Variants in WDR25 observed in about 807,000 individuals in gnomAD.
WDR25 encodes the protein WD repeat-containing protein 25.
WDR25 carries 35 observed loss-of-function variants against 47.7 expected under a neutral mutation model. The observed-to-expected ratio is 0.73, with a 90% CI of 0.56 to 0.97. The LOEUF (loss-of-function observed/expected upper bound fraction) is 0.97, where lower values mean the gene tolerates loss of function less well. Among genes scored for constraint, WDR25 ranks in the 50% least tolerant of loss-of-function variants. The probability of loss-of-function intolerance (pLI) is 0.00; values close to 1 mark genes in which losing one functional copy is unlikely to be tolerated. For synonymous variants in WDR25, 248 were observed against 278.9 expected, an observed-to-expected ratio of 0.89 and a Z score of 1.10; for missense variants, 634 against 704.7, an observed-to-expected ratio of 0.90 and a Z score of 1.14.
chr14:100,404,844 C>T lies in WDR25; in HGVS notation c.822+23098C>T, dbSNP rs893671212. Among the ~76,000 whole-genome samples the T allele has an allele frequency of 1.3e-5, 2 of 152,128 alleles. No individual in the cohort carries two copies. The highest frequency in any genetic ancestry group is 2.9e-5 in the Non-Finnish European group (2 of 68,024). ...CCCCTCTCCCCTGCAGCTCTGGCCTCTGCTGGGCCCATCCCTCCTGTGAGT... is the reference window on the plus strand; with the variant it reads ...CCCCTCTCCCCTGCAGCTCTGGCCTTTGCTGGGCCCATCCCTCCTGTGAGT... On this transcript the variant is annotated intron_variant, in intron 2 of 6. Coordinates refer to ENST00000402312, the MANE Select transcript of WDR25 (RefSeq NM_001161476.3). The surrounding 1 kb of genome is among the most constrained non-coding windows in gnomAD (Gnocchi z 4.6).
intron 2 of WDR25, among the ~76,000 whole-genome samples, chr14:100,441,160 A>G (rs1207227241): frequency 1.3e-5 from 2 of 152,146 alleles, no homozygotes. Context: ...TCTGGTATGG[A>G]CATCATGAGG....
chr14:100,376,540 T>G (rs1896679525), intron 1 of WDR25, 45 bp downstream of exon 1: 1 of 1,231,936 alleles, frequency 8.1e-7, no homozygotes, highest in East Asian at 3.2e-5. Flanking sequence ...GGGCCGGGAC[T>G]GGGCAGCGCC....
chr14:100,455,960 G>A (rs981686119), intron 2 of WDR25, among the ~76,000 whole-genome samples: 8 of 152,180 alleles, frequency 5.3e-5, no homozygotes, highest in African/African-American at 1.9e-4. Context: ...TGGAGTATGT[G>A]TATGGCAGGT....
At chr14:100,456,676 G>C (rs1899215378) in intron 2 of WDR25, among the ~76,000 whole-genome samples, 1 of 152,202 alleles carries the variant, frequency 6.6e-6, no homozygotes. Context: ...TGAAGTCATA[G>C]AAGCTATCCA....
chr14:100,472,832 G>C (rs1455476665), intron 3 of WDR25, among the ~76,000 whole-genome samples: 1 of 152,186 alleles, frequency 6.6e-6, no homozygotes, highest in South Asian at 2.1e-4. Context: ...CAGCCTGCCC[G>C]GCCTGACCCT....
intron 3 of WDR25, among the ~76,000 whole-genome samples, chr14:100,479,522 G>GA (rs1405220264): frequency 2.0e-5 from 3 of 151,998 alleles, no homozygotes; most frequent in Non-Finnish European, 4.4e-5. Flanking sequence ...TAATGAGAGG[G>GA]ACATAGCACA....
rs557403891 is a variant in WDR25 at position 100,392,354 on chromosome 14, C to T, written c.822+10608C>T. ...AAGTGAGTGGGTTCTTTTCCAGCCA[C>T]GTCTCTGTCTTCTTCTGCTTGGTTA... On this transcript the variant is annotated intron_variant, in intron 2 of 6. Transcript: ENST00000402312. This position sits in a 1 kb window ranked among gnomAD's most constrained non-coding sequence, Gnocchi z 4.2. Among the ~76,000 whole-genome samples the T allele has an allele frequency of 1.6e-4, 24 of 151,786 alleles. No individual in the cohort carries two copies. The highest frequency in any genetic ancestry group is 7.8e-4 in the East Asian group (4 of 5,120).
At chr14:100,401,483 C>G (rs977267104) in intron 2 of WDR25, among the ~76,000 whole-genome samples, 1 of 152,146 alleles carries the variant, frequency 6.6e-6, no homozygotes, top group Non-Finnish European at 1.5e-5. Context: ...CTGCCCATGT[C>G]CCCAGGAGGC....
At chr14:100,485,812 G>T (rs1272198883) in intron 4 of WDR25, among the ~76,000 whole-genome samples, 3 of 152,192 alleles carry the variant, frequency 2.0e-5, no homozygotes, top group Non-Finnish European at 2.9e-5. Context: ...CTGACAGGCA[G>T]TTGGAAGGGG....
At chr14:100,389,959 C>T (rs909680482) in intron 2 of WDR25, among the ~76,000 whole-genome samples, 22 of 152,284 alleles carry the variant, frequency 1.4e-4, no homozygotes, top group Non-Finnish European at 2.8e-4. Context: ...CTGGATGTCC[C>T]TGGATTGAGC....
chr14:100,523,502 C>G lies in WDR25; in HGVS notation c.1102-2368C>G, dbSNP rs2029961670. On this transcript the variant is annotated intron_variant, in intron 4 of 6. Transcript: ENST00000402312. The surrounding 1 kb of genome is among the most constrained non-coding windows in gnomAD (Gnocchi z 4.7). ...TAGAGGCTCAGAGGTGTGGTTGGGG[C>G]CCTCGTGTTGATGACTCAAAAACTA... 1.3e-5 allele frequency among the ~76,000 whole-genome samples: 2 copies of G among 152,076 alleles called. No homozygotes were observed. The highest frequency in any genetic ancestry group is 4.8e-5 in the African/African-American group (2 of 41,394).
chr14:100,528,251 G>A (rs1274916900), intron 5 of WDR25, among the ~76,000 whole-genome samples: 3 of 152,118 alleles, frequency 2.0e-5, no homozygotes, highest in African/African-American at 7.2e-5. Flanking sequence ...CTGAAATCAA[G>A]ATGTTGGCAG....
rs1158659505 is a variant in WDR25 at position 100,529,799 on chromosome 14, C to A, written c.1414-21C>A. ...GGCTTGACAGGTGCGGCTTGCTCAC[C>A]CACTGTGTCCCTCTCTGCAGGTGGA... On this transcript the variant is annotated intron_variant, in intron 6 of 6. Transcript: ENST00000402312. The surrounding 1 kb of genome is among the most constrained non-coding windows in gnomAD (Gnocchi z 5.1). 1.9e-6 allele frequency: 3 copies of A among 1,606,796 alleles called. No homozygotes were observed. The highest frequency in any genetic ancestry group is 2.5e-6 in the Non-Finnish European group (3 of 1,177,380).
At chr14:100,427,274 A>G (rs898991737) in intron 2 of WDR25, among the ~76,000 whole-genome samples, 7 of 151,662 alleles carry the variant, frequency 4.6e-5, no homozygotes, top group African/African-American at 1.7e-4. Flanking sequence ...GAAGCCCTCC[A>G]TGCCCCCCAG....
intron 5 of WDR25, among the ~76,000 whole-genome samples, chr14:100,528,617 T>C (rs964542194): frequency 1.3e-5 from 2 of 152,138 alleles, no homozygotes; most frequent in Non-Finnish European, 2.9e-5. Context: ...TAGTGTAATA[T>C]AGGATCATCT....
At position 100,529,300 on chromosome 14, in the gene WDR25, T is replaced by A. The variant is rs547843952; in HGVS notation, c.1413+92T>A. ...CATGGGCCCTGGGGTGCATGGAGCC[T>A]CTGTCTGGGTGGATCCTGCTTTCTG... On this transcript the variant is annotated intron_variant, in intron 6 of 6. Transcript: ENST00000402312. This position sits in a 1 kb window ranked among gnomAD's most constrained non-coding sequence, Gnocchi z 5.1. The A allele has an allele frequency of 6.4e-6, 10 of 1,555,158 alleles. No individual in the cohort carries two copies. The East Asian group carries it at 2.3e-4, about 36-fold the overall frequency.
intron 2 of WDR25, 189 bp downstream of exon 2, chr14:100,381,935 C>T: frequency 1.9e-5 from 12 of 635,952 alleles, no homozygotes; most frequent in Non-Finnish European, 3.4e-5. Context: ...TGCCCCAACC[C>T]TTCCCTGATG....
In WDR25 at chr14:100,498,504, T is replaced by C. The variant is rs1345480927; in HGVS notation, c.1101+14380T>C. Among the ~76,000 whole-genome samples, 3 of 152,226 alleles carry C rather than the reference T, an allele frequency of 2.0e-5. No individual in the cohort carries two copies. Among genetic ancestry groups the C allele is most frequent in the Non-Finnish European group, 4.4e-5 (3 of 68,038 alleles). Reference sequence around the variant, plus strand: ...CCTCACTCATTTGCTCATTGAACACTGCGGAGCACCTGCTGTTTATAGGGT... The same window carrying C: ...CCTCACTCATTTGCTCATTGAACACCGCGGAGCACCTGCTGTTTATAGGGT... On this transcript the variant is annotated intron_variant, in intron 4 of 6. Transcript: ENST00000402312. The surrounding 1 kb of genome is among the most constrained non-coding windows in gnomAD (Gnocchi z 4.2).
At chr14:100,403,983 A>G (rs993470443) in intron 2 of WDR25, among the ~76,000 whole-genome samples, 2 of 152,226 alleles carry the variant, frequency 1.3e-5, no homozygotes, top group African/African-American at 4.8e-5. Context: ...TGCCTGATGA[A>G]GTGCCTTGAG....
Sources: gnomAD v4.1 joint callset for allele counts (sites outside exome capture counted in the v4.1 genomes callset) on GRCh38, gnomAD v4.1.1 for gene constraint, Gnocchi (gnomAD v3.1) non-coding constraint, MANE v1.5 for transcripts, NCBI Gene and HGNC (gene_info 2026-07-23, HGNC 2026-07-21) for gene names.